The following ERBIN variants were observed in gnomAD, a reference collection of about 807,000 sequenced individuals.
ERBIN encodes the protein erbb2 interacting protein, also known as densin-180-like protein.
Under a neutral mutation model 158.4 loss-of-function variants are expected in ERBIN, and 60 were observed. That is an observed-to-expected ratio of 0.38 (90% CI 0.31 to 0.47). ERBIN has a LOEUF of 0.47. Ranked by LOEUF, ERBIN falls within the 20% of genes least tolerant of loss-of-function variation. The probability of loss-of-function intolerance (pLI) is 0.99; values close to 1 mark genes in which losing one functional copy is unlikely to be tolerated. For missense variants in ERBIN, 1,610 were observed against 1,648.0 expected (o/e 0.98, Z 0.40); for synonymous variants, 594 against 557.2 (o/e 1.07, Z -0.93).
chr5:66,031,406 T>TA (rs1271317764), intron 14 of ERBIN, among the ~76,000 whole-genome samples: 1 of 152,228 alleles, frequency 6.6e-6, no homozygotes, highest in Non-Finnish European at 1.5e-5. Context: ...TTTAGAAAGT[T>TA]ACTTTAATAC....
rs148750788 is a variant in ERBIN at position 66,061,414 on chromosome 5, G to C, written c.3633+6463G>C. Among the ~76,000 whole-genome samples the C allele has an allele frequency of 8.6e-4, 130 of 152,000 alleles. 1 individual carries two copies. The highest frequency in any genetic ancestry group is 8.2e-3 in the Admixed American group (125 of 15,266). On this transcript the variant is annotated intron_variant, in intron 21 of 25. Transcript: ENST00000284037. Reference sequence around the variant, plus strand: ...TTGCTTGGTAGATCTTCCTCCATCCGTTTGTTTTGAGCCTATGTGTGTCCT... The same window carrying C: ...TTGCTTGGTAGATCTTCCTCCATCCCTTTGTTTTGAGCCTATGTGTGTCCT...
rs1161417867 is a variant in ERBIN at position 66,078,624 on chromosome 5, A to C, written c.*94A>C. On this transcript the variant is annotated 3_prime_UTR_variant, in exon 26 of 26. Coordinates refer to ENST00000284037, the MANE Select transcript of ERBIN (RefSeq NM_001253697.2). The stretch of plus-strand genomic sequence containing the variant: ...ATTTTGACTATTTTTATATATAAAG[A>C]AGAACTCAAAAAATTATGTTCAAAT... 15 of 763,924 alleles carry C rather than the reference A, an allele frequency of 2.0e-5. No homozygotes were observed. The highest frequency in any genetic ancestry group is 3.1e-5 in the Non-Finnish European group (14 of 457,344). The allele number at this position is 763,924 out of a possible 1,614,324, so 47.3% of individuals were successfully genotyped here. A position where few individuals can be genotyped will look rare whatever the true frequency, so the allele number is the denominator to read the frequency against.
intron 4 of ERBIN, among the ~76,000 whole-genome samples, chr5:65,997,259 T>G (rs1752538682): frequency 6.6e-6 from 1 of 152,196 alleles, no homozygotes. Context: ...ATATGGCCTT[T>G]ATTGTGTTGA....
intron 4 of ERBIN, among the ~76,000 whole-genome samples, chr5:65,996,568 G>C (rs1273105301): frequency 6.6e-6 from 1 of 152,090 alleles, no homozygotes; most frequent in African/African-American, 2.4e-5. Context: ...AGTCGGGTGT[G>C]ATGCCTGCCG....
At chr5:66,038,896 TTTTC>T (rs993334922) in intron 15 of ERBIN, among the ~76,000 whole-genome samples, 3 of 152,040 alleles carry the variant, frequency 2.0e-5, no homozygotes, top group Non-Finnish European at 4.4e-5. Context: ...TCTTAAATTC[TTTTC>T]TTTATTTTGC....
chr5:65,945,666 C>A (rs1016487767), intron 1 of ERBIN, among the ~76,000 whole-genome samples: 2 of 152,032 alleles, frequency 1.3e-5, no homozygotes, highest in Non-Finnish European at 2.9e-5. Flanking sequence ...TCTAATTGTT[C>A]TTGGATATTT....
At chr5:66,017,202 A>G (rs1326066423) in intron 7 of ERBIN, among the ~76,000 whole-genome samples, 1 of 152,120 alleles carries the variant, frequency 6.6e-6, no homozygotes, top group Non-Finnish European at 1.5e-5. Context: ...TCTTTTGTAT[A>G]TATACCCAAT....
At chr5:66,002,936 T>C (rs962016410) in intron 4 of ERBIN, among the ~76,000 whole-genome samples, 1 of 152,232 alleles carries the variant, frequency 6.6e-6, no homozygotes, top group African/African-American at 2.4e-5. Context: ...ACACTGTCCA[T>C]GTTTAGACTG....
At chr5:66,015,109 T>C (rs954787276) in intron 7 of ERBIN, among the ~76,000 whole-genome samples, 3 of 152,176 alleles carry the variant, frequency 2.0e-5, no homozygotes, top group African/African-American at 7.2e-5. Context: ...CTGGTAACGG[T>C]AGAACTTGAT....
At chr5:65,930,823 C>T (rs10055837) in intron 1 of ERBIN, among the ~76,000 whole-genome samples, 2,578 of 152,250 alleles carry the variant, frequency 0.017, 72 homozygotes, top group African/African-American at 0.059. Context: ...TCTGTCCTAC[C>T]TTTCAAGTTA....
chr5:65,929,563 A>T (rs778663871), intron 1 of ERBIN, among the ~76,000 whole-genome samples: 1 of 150,488 alleles, frequency 6.6e-6, no homozygotes, highest in Non-Finnish European at 1.5e-5. Context: ...AATTTGTTAC[A>T]TGCTTGCTTC....
chr5:65,936,663 G>A (rs977148689), intron 1 of ERBIN, among the ~76,000 whole-genome samples: 2 of 152,278 alleles, frequency 1.3e-5, no homozygotes, highest in South Asian at 4.1e-4. Flanking sequence ...GGGTAGGATA[G>A]GAAGGCTGGA....
intron 19 of ERBIN, among the ~76,000 whole-genome samples, chr5:66,049,054 G>A (rs1045156323): frequency 1.3e-5 from 2 of 151,974 alleles, no homozygotes; most frequent in African/African-American, 4.8e-5. Context: ...CTTATCTGCT[G>A]TGTAATCCTT....
intron 1 of ERBIN, among the ~76,000 whole-genome samples, chr5:65,940,280 C>T (rs1206142136): frequency 8.1e-3 from 1,056 of 131,138 alleles, no homozygotes; most frequent in South Asian, 0.015. Flanking sequence ...CCAGCCGCCC[C>T]GTCTGAGAAG....
chr5:66,021,970 ATT>A (rs371839167), intron 8 of ERBIN, among the ~76,000 whole-genome samples: 3 of 146,152 alleles, frequency 2.1e-5, no homozygotes, highest in Middle Eastern at 3.5e-3. Context: ...AATAAGCTAG[ATT>A]TTTTTTTTTT....
At chr5:65,927,083 G>A (rs187163438) in intron 1 of ERBIN, among the ~76,000 whole-genome samples, 1 of 151,072 alleles carries the variant, frequency 6.6e-6, no homozygotes, top group East Asian at 2.0e-4. Context: ...TCCGAAGAAC[G>A]ATTGCCTTTG....
At chr5:65,978,775 A>G (rs1288320569) in intron 1 of ERBIN, among the ~76,000 whole-genome samples, 1 of 152,232 alleles carries the variant, frequency 6.6e-6, no homozygotes, top group Non-Finnish European at 1.5e-5. Context: ...TGTCCCTGTT[A>G]CATTTTGCCA....
intron 14 of ERBIN, among the ~76,000 whole-genome samples, chr5:66,035,995 G>A (rs1255901059): frequency 3.3e-5 from 5 of 152,032 alleles, no homozygotes; most frequent in South Asian, 2.1e-4. Flanking sequence ...AGGCTGAGGC[G>A]GGAGGATTGC....
chr5:66,008,892 C>T (rs1428630732), intron 4 of ERBIN, among the ~76,000 whole-genome samples: 1 of 152,196 alleles, frequency 6.6e-6, no homozygotes, highest in Admixed American at 6.5e-5. Flanking sequence ...CGGATCATTA[C>T]TTGAAAATCA....
Sources: allele counts gnomAD v4.1 joint callset (sites outside exome capture counted in the v4.1 genomes callset), GRCh38; gene constraint gnomAD v4.1.1; transcripts MANE v1.5; gene names NCBI Gene and HGNC (gene_info 2026-07-23, HGNC 2026-07-21).